The following SSBP3 variants were observed in gnomAD, a reference collection of about 807,000 sequenced individuals.
SSBP3 encodes single-stranded DNA-binding protein 3.
A neutral mutation model predicts 69.6 loss-of-function variants in SSBP3; 5 were observed. The ratio of observed to expected loss-of-function variants is 0.07; its 90% CI spans 0.04 to 0.15. SSBP3 has a LOEUF of 0.15. Among genes scored for constraint, SSBP3 ranks in the 10% least tolerant of loss-of-function variants. The pLI is 1.00. For missense variants in SSBP3, 312 were observed against 534.0 expected, an observed-to-expected ratio of 0.58 and a Z score of 4.10; for synonymous variants, 196 against 193.4, an observed-to-expected ratio of 1.01 and a Z score of -0.11.
intron 13 of SSBP3, among the ~76,000 whole-genome samples, chr1:54,239,660 G>A (rs1644569656): frequency 6.6e-6 from 1 of 152,240 alleles, no homozygotes; most frequent in South Asian, 2.1e-4. Flanking sequence ...CAGGGATGGG[G>A]CTGGAAACGC....
In SSBP3 at chr1:54,274,839, C is replaced by T. The variant is rs570745116; in HGVS notation, c.366+6599G>A. Among the ~76,000 whole-genome samples, 6 of 152,280 alleles carry T rather than the reference C, an allele frequency of 3.9e-5. No homozygotes were observed. The East Asian group carries it at 7.7e-4, about 20-fold the overall frequency. ...CCTGTGTCTATTCCTGGCTCCATCC[C>T]CACACCCCAGCCTGCAGTCCAGGCC... On this transcript the variant is annotated intron_variant, in intron 5 of 17. Coordinates refer to ENST00000610401, the Ensembl canonical transcript of SSBP3.
intron 5 of SSBP3, among the ~76,000 whole-genome samples, chr1:54,272,276 C>T (rs532868809): frequency 2.8e-4 from 42 of 152,208 alleles, no homozygotes; most frequent in African/African-American, 9.6e-4. Flanking sequence ...GAGCTAGATG[C>T]TGGAATGGCC....
At chr1:54,243,927 T>C (rs546527497) in intron 9 of SSBP3, among the ~76,000 whole-genome samples, 2 of 131,492 alleles carry the variant, frequency 1.5e-5, no homozygotes, top group African/African-American at 5.7e-5. Flanking sequence ...TGTGTGTGAG[T>C]TTTTTTTTGT....
At position 54,291,449 on chromosome 1, in the gene SSBP3, G is replaced by T. The variant is rs530489456; in HGVS notation, c.277-9922C>A. 5.3e-5 allele frequency among the ~76,000 whole-genome samples: 8 copies of T among 151,732 alleles called. No individual in the cohort carries two copies. The East Asian group carries it at 1.4e-3, about 26-fold the overall frequency. ...CCAGGAGGGAAGGCAGTGAGCAGTG[G>T]ACCACCGTGGTCTGCACAGCCACCC... On this transcript the variant is annotated intron_variant, in intron 4 of 17. Coordinates refer to ENST00000610401, the Ensembl canonical transcript of SSBP3.
chr1:54,268,366 G>A (rs1557478888), intron 5 of SSBP3, among the ~76,000 whole-genome samples: 4 of 152,256 alleles, frequency 2.6e-5, no homozygotes, highest in Non-Finnish European at 5.9e-5. Flanking sequence ...CAGCGAAGGT[G>A]ATGTGCATAT....
At chr1:54,241,649 G>T in intron 11 of SSBP3, 140 bp from the exon 12 acceptor site, 2 of 857,672 alleles carry the variant, frequency 2.3e-6, no homozygotes, top group East Asian at 2.6e-5. Context: ...GTTCCCCTGG[G>T]AGGGCTGGGA....
At chr1:54,290,931 A>ACACACG (rs1456607774) in intron 4 of SSBP3, among the ~76,000 whole-genome samples, 5 of 152,158 alleles carry the variant, frequency 3.3e-5, no homozygotes, top group African/African-American at 1.2e-4. Context: ...CAAAACACAC[A>ACACACG]CACACGCACA....
At chr1:54,268,236 C>A (rs897026078) in intron 5 of SSBP3, among the ~76,000 whole-genome samples, 6 of 152,244 alleles carry the variant, frequency 3.9e-5, no homozygotes, top group African/African-American at 1.4e-4. Flanking sequence ...CCTCTCCCCC[C>A]AGAACAGATT....
At chr1:54,318,843 C>A (rs1304953708) in intron 4 of SSBP3, among the ~76,000 whole-genome samples, 1 of 152,190 alleles carries the variant, frequency 6.6e-6, no homozygotes, top group East Asian at 1.9e-4. Context: ...GTTACAATAT[C>A]CTTAAAACTT....
Position 54,349,462 on chromosome 1 carries a change from G to A in SSBP3, c.276+52399C>T, listed in dbSNP as rs188010211. Among the ~76,000 whole-genome samples the A allele has an allele frequency of 3.1e-3, 469 of 152,318 alleles. 1 individual carries two copies. Among genetic ancestry groups the A allele is most frequent in the Middle Eastern group, 0.017 (5 of 294 alleles). On this transcript the variant is annotated intron_variant, in intron 4 of 17. Transcript: ENST00000610401. ...CACTGACCATCTTGGGGACAGAAGA[G>A]CATACTATGAAGTTATGAAACAAGC...
At chr1:54,266,902 C>T (rs977664700) in intron 5 of SSBP3, among the ~76,000 whole-genome samples, 1 of 152,204 alleles carries the variant, frequency 6.6e-6, no homozygotes, top group Non-Finnish European at 1.5e-5. Flanking sequence ...AACACAAAAC[C>T]CAGCGCTCAC....
At chr1:54,300,773 C>T (rs920318302) in intron 4 of SSBP3, among the ~76,000 whole-genome samples, 2 of 152,202 alleles carry the variant, frequency 1.3e-5, no homozygotes, top group African/African-American at 4.8e-5. Flanking sequence ...ATGTCCATTC[C>T]ATGGATGGGC....
At chr1:54,282,224 T>C (rs995969208) in intron 4 of SSBP3, among the ~76,000 whole-genome samples, 2 of 152,236 alleles carry the variant, frequency 1.3e-5, no homozygotes, top group Non-Finnish European at 1.5e-5. Context: ...TCTGCCCAGC[T>C]ACTCTGAGAA....
intron 4 of SSBP3, among the ~76,000 whole-genome samples, chr1:54,304,204 A>T (rs1429991629): frequency 6.6e-6 from 1 of 152,172 alleles, no homozygotes; most frequent in Non-Finnish European, 1.5e-5. Flanking sequence ...ACGACACAGG[A>T]TGAGGACAGC....
chr1:54,354,305 G>A (rs556391575), intron 4 of SSBP3, among the ~76,000 whole-genome samples: 1 of 152,192 alleles, frequency 6.6e-6, no homozygotes, highest in East Asian at 1.9e-4. Flanking sequence ...CAGGTGGACA[G>A]ACCAGCAATG....
chr1:54,229,971 G>A (rs1171831049), intron 14 of SSBP3, among the ~76,000 whole-genome samples: 1 of 152,222 alleles, frequency 6.6e-6, no homozygotes, highest in East Asian at 1.9e-4. Context: ...GCTGCCTGGA[G>A]GAGGAAGAGA....
At chr1:54,285,369 T>C (rs1196020232) in intron 4 of SSBP3, 1 of 152,118 alleles carries the variant, frequency 6.6e-6, no homozygotes, top group East Asian at 1.9e-4. Flanking sequence ...TTACGCTGAA[T>C]CCCTGCACCA....
chr1:54,398,739 A>G (rs1649074119), intron 4 of SSBP3, among the ~76,000 whole-genome samples: 1 of 152,132 alleles, frequency 6.6e-6, no homozygotes, highest in African/African-American at 2.4e-5. Context: ...CCCTCCTCCC[A>G]TGACCCGGGG....
intron 4 of SSBP3, among the ~76,000 whole-genome samples, chr1:54,370,401 G>A (rs533292675): frequency 7.2e-5 from 11 of 152,156 alleles, no homozygotes; most frequent in Non-Finnish European, 1.6e-4. Flanking sequence ...AAATAATTCT[G>A]AACCCGGGTT....
Sources: allele counts gnomAD v4.1 joint callset (sites outside exome capture counted in the v4.1 genomes callset), GRCh38; gene constraint gnomAD v4.1.1; transcripts MANE v1.5; gene names NCBI Gene and HGNC (gene_info 2026-07-23, HGNC 2026-07-21).